PLEKHA8: variants seen among roughly 807,000 people sequenced by gnomAD.
PLEKHA8 encodes the protein pleckstrin homology domain containing A8.
In PLEKHA8, 36 loss-of-function variants were observed where a neutral mutation model predicts 68.2. The observed-to-expected ratio is 0.53, with a 90% CI of 0.40 to 0.70. The LOEUF is 0.70. PLEKHA8 is among the 30% of genes least tolerant of loss of function. The pLI is 0.00. For missense variants in PLEKHA8, 505 were observed against 615.4 expected (o/e 0.82, Z 1.90); for synonymous variants, 211 against 216.1 (o/e 0.98, Z 0.20).
Position 30,083,566 on chromosome 7 carries a change from C to T in PLEKHA8, c.*4779C>T, listed in dbSNP as rs1460155201. ...CAGGGCATGATTAAACAGTCATTAA[C>T]AGTGCCTCTCTGGTACAGTTGATGC... On this transcript the variant is annotated 3_prime_UTR_variant, in exon 14 of 14. Coordinates refer to ENST00000449726, the MANE Select transcript of PLEKHA8 (RefSeq NM_001197026.2). 1 of 985,286 alleles carries T rather than the reference C, an allele frequency of 1.0e-6. No homozygotes were observed. Among genetic ancestry groups the T allele is most frequent in the African/African-American group, 1.7e-5 (1 of 57,222 alleles). The allele number at this position is 985,286 out of a possible 1,614,324, so 61.0% of individuals were successfully genotyped here.
chr7:30,098,026 G>A (rs1795697385), intron 13 of PLEKHA8, among the ~76,000 whole-genome samples: 1 of 152,206 alleles, frequency 6.6e-6, no homozygotes, highest in African/African-American at 2.4e-5. Context: ...CTTTCTGTTT[G>A]TTAGTTTTCC....
chr7:30,073,563 TAAAAAAAAA>T (rs35738941), intron 12 of PLEKHA8, among the ~76,000 whole-genome samples: 2 of 111,776 alleles, frequency 1.8e-5, no homozygotes, highest in East Asian at 2.6e-4. Flanking sequence ...TTGTGTTTCT[TAAAAAAAAA>T]AAAAAAAAAA....
chr7:30,085,019 G>T (rs980968768), downstream of PLEKHA8, among the ~76,000 whole-genome samples: 1 of 150,334 alleles, frequency 6.7e-6, no homozygotes, highest in African/African-American at 2.5e-5. Flanking sequence ...ATCTCAGCTC[G>T]CTGTGACCTC....
chr7:30,083,903 G>C lies in PLEKHA8; in HGVS notation c.*5116G>C. 1 of 985,436 alleles carries C rather than the reference G, an allele frequency of 1.0e-6. No individual in the cohort carries two copies. The highest frequency in any genetic ancestry group is 1.2e-6 in the Non-Finnish European group (1 of 829,924). 61.0% of individuals were successfully genotyped at this position (985,436 alleles called of 1,614,324 possible). ...TACCCACACAGACTCCTGTGTATGCGTGTCTGTTTATAGGTGTATATGGAG... is the reference window on the plus strand; with the variant it reads ...TACCCACACAGACTCCTGTGTATGCCTGTCTGTTTATAGGTGTATATGGAG... On this transcript the variant is annotated 3_prime_UTR_variant, in exon 14 of 14. Coordinates refer to ENST00000449726, the MANE Select transcript of PLEKHA8 (RefSeq NM_001197026.2).
intron 9 of PLEKHA8, 93 bp downstream of exon 9, chr7:30,055,435 C>A: frequency 9.3e-7 from 1 of 1,074,654 alleles, no homozygotes. Context: ...ACTATGTGTA[C>A]AGTGAGATGA....
chr7:30,098,987 C>CTCAG (rs1400880805), intron 13 of PLEKHA8, among the ~76,000 whole-genome samples: 4 of 152,330 alleles, frequency 2.6e-5, no homozygotes, highest in South Asian at 2.1e-4. Flanking sequence ...AACTCCTGAC[C>CTCAG]TCAGGTGATC....
chr7:30,056,312 C>CTATATATATATA lies in PLEKHA8; in HGVS notation c.1039+979_1039+990dup, dbSNP rs1554385029. Among the ~76,000 whole-genome samples the CTATATATATATA allele has an allele frequency of 8.8e-4, 83 of 94,546 alleles. 1 individual carries two copies. The highest frequency in any genetic ancestry group is 1.4e-3 in the East Asian group (5 of 3,506). The allele number at this position is 94,546 out of a possible 152,430, so 62.0% of individuals were successfully genotyped here. ...TCTCTCTCTCTCTCTCTCTCTCTCT[C>CTATATATATATA]TATATATATATATATATATAAATAA... On this transcript the variant is annotated intron_variant, in intron 9 of 13. Coordinates refer to ENST00000449726, the MANE Select transcript of PLEKHA8 (RefSeq NM_001197026.2).
intron 13 of PLEKHA8, among the ~76,000 whole-genome samples, chr7:30,111,646 G>T (rs1165480454): frequency 2.6e-5 from 4 of 150,950 alleles, no homozygotes; most frequent in Non-Finnish European, 4.4e-5. Flanking sequence ...TTGAGACAGG[G>T]TCTCGTTCTG....
intron 1 of PLEKHA8, among the ~76,000 whole-genome samples, chr7:30,040,020 T>C (rs755062280): frequency 3.2e-4 from 48 of 152,340 alleles, no homozygotes; most frequent in Middle Eastern, 6.8e-3. Flanking sequence ...TCTTTGTAGA[T>C]GCCTTTATCA....
At chr7:30,044,436 T>C (rs565880593) in intron 1 of PLEKHA8, among the ~76,000 whole-genome samples, 1 of 152,320 alleles carries the variant, frequency 6.6e-6, no homozygotes, top group South Asian at 2.1e-4. Flanking sequence ...CTACACATGG[T>C]TTGTCCCCTG....
chr7:30,116,083 C>A (rs1163343818), intron 13 of PLEKHA8: 2 of 150,338 alleles, frequency 1.3e-5, no homozygotes, highest in Non-Finnish European at 3.0e-5. Context: ...TGTATACATA[C>A]GCATACATAC....
intron 6 of PLEKHA8, 45 bp from the exon 7 acceptor site, chr7:30,052,664 C>G (rs760020955): frequency 7.4e-7 from 1 of 1,346,920 alleles, no homozygotes; most frequent in African/African-American, 1.6e-5. Context: ...AAAAAAAGAC[C>G]AAATAACGAC....
At chr7:30,101,875 C>G (rs940332053) in intron 13 of PLEKHA8, among the ~76,000 whole-genome samples, 3 of 151,976 alleles carry the variant, frequency 2.0e-5, no homozygotes, top group African/African-American at 7.3e-5. Context: ...AATCTAAATA[C>G]CAGCAGGTAG....
At position 30,083,811 on chromosome 7, in the gene PLEKHA8, T is replaced by C; in HGVS notation, c.*5024T>C. ...TCATATATTTAAAGTGTGGTCAGTA[T>C]TTCCTCCCTGTACCTTACAAACAGA... On this transcript the variant is annotated 3_prime_UTR_variant, in exon 14 of 14. Coordinates refer to ENST00000449726, the MANE Select transcript of PLEKHA8 (RefSeq NM_001197026.2). The C allele has an allele frequency of 2.0e-6, 2 of 985,416 alleles. No homozygotes were observed. The highest frequency in any genetic ancestry group is 2.4e-6 in the Non-Finnish European group (2 of 829,916). The allele number at this position is 985,416 out of a possible 1,614,324, so 61.0% of individuals were successfully genotyped here. A position where few individuals can be genotyped will look rare whatever the true frequency, so the allele number is the denominator to read the frequency against.
At chr7:30,092,658 CTT>C (rs1373521967), downstream of PLEKHA8, among the ~76,000 whole-genome samples, 2 of 152,182 alleles carry the variant, frequency 1.3e-5, no homozygotes, top group African/African-American at 4.8e-5. Flanking sequence ...GGAGCACACT[CTT>C]ATTCCTTTGA....
In PLEKHA8 at chr7:30,074,244, A is replaced by AG. The variant is rs1396981707; in HGVS notation, c.1362+113dup. 34 of 727,182 alleles carry AG rather than the reference A, an allele frequency of 4.7e-5. 1 individual carries two copies. The highest frequency in any genetic ancestry group is 2.7e-4 in the Middle Eastern group (1 of 3,694). 45.0% of individuals were successfully genotyped at this position (727,182 alleles called of 1,614,324 possible). A position where few individuals can be genotyped will look rare whatever the true frequency, so the allele number is the denominator to read the frequency against. ...ATCTAGTCATGATTGTCAGAAACAA[A>AG]GTTGTGTGTGTGTGTGTGTGTGTGT... On this transcript the variant is annotated intron_variant, in intron 13 of 13. Coordinates refer to ENST00000449726, the MANE Select transcript of PLEKHA8 (RefSeq NM_001197026.2).
intron 1 of PLEKHA8, 21 bp downstream of exon 1, chr7:30,028,823 G>A (rs745527106): frequency 8.3e-5 from 105 of 1,259,358 alleles, no homozygotes; most frequent in Non-Finnish European, 9.6e-5. Context: ...GTGCCGGGCC[G>A]GGGGCGCGCC....
chr7:30,039,607 A>G (rs992674134), intron 1 of PLEKHA8, among the ~76,000 whole-genome samples: 6 of 152,158 alleles, frequency 3.9e-5, no homozygotes, highest in African/African-American at 1.4e-4. Context: ...TCTAACTTTC[A>G]TTTTCAGATT....
intron 13 of PLEKHA8, among the ~76,000 whole-genome samples, chr7:30,107,149 C>A (rs1381566223): frequency 6.6e-6 from 1 of 152,106 alleles, no homozygotes; most frequent in African/African-American, 2.4e-5. Context: ...AAAATTTCAT[C>A]TTCCTACCAA....
Sources: gnomAD v4.1 joint callset for allele counts (sites outside exome capture counted in the v4.1 genomes callset) on GRCh38, gnomAD v4.1.1 for gene constraint, MANE v1.5 for transcripts, NCBI Gene and HGNC (gene_info 2026-07-23, HGNC 2026-07-21) for gene names.